UBR1: variants seen among roughly 807,000 people sequenced by gnomAD.
The protein encoded by UBR1 is E3 ubiquitin-protein ligase UBR1.
Under a neutral mutation model 242.1 loss-of-function variants are expected in UBR1, and 102 were observed. That is an observed-to-expected ratio of 0.42 (90% CI 0.36 to 0.50). UBR1 has a LOEUF of 0.50. Among genes scored for constraint, UBR1 ranks in the 20% least tolerant of loss-of-function variants. The pLI, the probability that UBR1 is intolerant of heterozygous loss-of-function variation, is 0.01. For missense variants in UBR1, 1,772 were observed against 2,101.8 expected (o/e 0.84, Z 3.07); for synonymous variants, 675 against 684.8 (o/e 0.99, Z 0.22).
rs1042695336 is a variant in UBR1 at position 42,990,057 on chromosome 15, G to T, written c.3821C>A (p.Ser1274Tyr). The stretch of plus-strand genomic sequence containing the variant: ...AGACTCAACGCCAAAACTCAGGATG[G>T]AATGGAACTCCAAAGTAGAATCTCC... The part of the protein sequence containing the change: ...GMGDSTLEFH[S>Y]ILSFGVESSI... Residue 1274 changes from serine (S) to tyrosine (Y), a missense_variant, in exon 34 of 47, where the codon TCC (serine) becomes TAC (tyrosine). This residue lies in a region of UBR1 where 965 missense variants were observed against 1,079.7 expected (regional missense o/e 0.89). Transcript: ENST00000290650. The T allele has an allele frequency of 1.2e-6, 2 of 1,609,270 alleles. No homozygotes were observed. The highest frequency in any genetic ancestry group is 1.7e-6 in the Non-Finnish European group (2 of 1,177,368).
chr15:43,005,504 T>TGGGA (rs1596096580), intron 30 of UBR1, among the ~76,000 whole-genome samples: 3 of 147,814 alleles, frequency 2.0e-5, no homozygotes, highest in East Asian at 4.2e-4. Flanking sequence ...CCGCTCCGTC[T>TGGGA]GGGAGGTGGG....
At chr15:43,001,846 T>C (rs1228718834) in intron 32 of UBR1, among the ~76,000 whole-genome samples, 1 of 152,176 alleles carries the variant, frequency 6.6e-6, no homozygotes, top group East Asian at 1.9e-4. Context: ...AGCTATAGCA[T>C]TTGGATCTTC....
intron 40 of UBR1, among the ~76,000 whole-genome samples, chr15:42,969,445 A>T (rs966204629): frequency 2.6e-5 from 4 of 151,848 alleles, no homozygotes; most frequent in Admixed American, 1.3e-4. Flanking sequence ...GATTGCAAAA[A>T]TTTTTTCCTG....
chr15:42,985,989 C>CAAAAAA (rs1230190123), intron 35 of UBR1, among the ~76,000 whole-genome samples: 13 of 46,744 alleles, frequency 2.8e-4, no homozygotes, highest in South Asian at 7.8e-4. Context: ...GACCCTGTCT[C>CAAAAAA]AAAAAAAAAA....
At position 43,002,673 on chromosome 15, in the gene UBR1, G is replaced by T; in HGVS notation, c.3541C>A (p.Gln1181Lys). The T allele has an allele frequency of 6.2e-7, 1 of 1,614,140 alleles. No homozygotes were observed. Among genetic ancestry groups the T allele is most frequent in the Non-Finnish European group, 8.5e-7 (1 of 1,180,036 alleles). ...TCAAAAAGGTCAACATGAATGCGCT[G>T]CTGAGAGCTCAGCTGTACAGCTTCA... ...YFEAVQLSSQQRIHVDLFDLE... is the reference protein window; with the variant it reads ...YFEAVQLSSQKRIHVDLFDLE... Residue 1181 changes from glutamine to lysine, a missense_variant, in exon 32 of 47, where the codon CAG becomes AAG. Gln to Lys is a moderately conservative substitution (Grantham distance 53). This residue lies in a region of UBR1 where 965 missense variants were observed against 1,079.7 expected (regional missense o/e 0.89). Coordinates refer to ENST00000290650, the MANE Select transcript of UBR1 (RefSeq NM_174916.3).
chr15:43,037,329 A>C (rs2033349928), intron 17 of UBR1, among the ~76,000 whole-genome samples: 1 of 150,708 alleles, frequency 6.6e-6, no homozygotes, highest in South Asian at 2.1e-4. Context: ...TAGCCTGGGC[A>C]GTAGAGTGAG....
intron 1 of UBR1, among the ~76,000 whole-genome samples, chr15:43,094,891 A>G (rs974520578): frequency 6.6e-6 from 1 of 152,164 alleles, no homozygotes; most frequent in African/African-American, 2.4e-5. Flanking sequence ...TCCTGTTGAG[A>G]TAACGTATAA....
chr15:43,081,829 C>T (rs1490497809), intron 3 of UBR1, among the ~76,000 whole-genome samples: 3 of 151,898 alleles, frequency 2.0e-5, no homozygotes, highest in East Asian at 3.9e-4. Context: ...GAGAACCTAT[C>T]CTAAGGAAAT....
intron 1 of UBR1, among the ~76,000 whole-genome samples, chr15:43,095,498 A>G (rs971090721): frequency 6.6e-6 from 1 of 151,862 alleles, no homozygotes; most frequent in Non-Finnish European, 1.5e-5. Context: ...TTACCACAGC[A>G]TATTTCCATA....
At chr15:42,950,435 A>T in intron 45 of UBR1, 72 bp from the exon 46 acceptor site, 5 of 1,357,378 alleles carry the variant, frequency 3.7e-6, no homozygotes, top group Non-Finnish European at 5.3e-6. Flanking sequence ...ATCAATGTTA[A>T]CCTAGAGAAA....
intron 1 of UBR1, among the ~76,000 whole-genome samples, chr15:43,097,616 A>C (rs150711472): frequency 2.6e-4 from 39 of 152,312 alleles, no homozygotes; most frequent in Admixed American, 8.5e-4. Flanking sequence ...CTTCTCCATC[A>C]ATCAGCACTT....
At chr15:42,988,443 T>C in intron 35 of UBR1, 1 of 262,116 alleles carries the variant, frequency 3.8e-6, no homozygotes, top group Non-Finnish European at 7.5e-6. Context: ...TACAGGTGCA[T>C]ACCACCACGC....
chr15:43,005,897 GTTAAGAGT>G (rs2032818909), intron 30 of UBR1, among the ~76,000 whole-genome samples: 1 of 148,056 alleles, frequency 6.8e-6, no homozygotes, highest in Admixed American at 6.8e-5. Context: ...CAGCATGCTC[GTTAAGAGT>G]CATCACCACT....
At chr15:43,012,971 T>A (rs922101336) in intron 29 of UBR1, among the ~76,000 whole-genome samples, 6 of 152,168 alleles carry the variant, frequency 3.9e-5, no homozygotes, top group African/African-American at 1.4e-4. Context: ...AGTGGCACAA[T>A]CTCTGCTCAC....
intron 3 of UBR1, among the ~76,000 whole-genome samples, chr15:43,076,187 G>A: frequency 6.9e-6 from 1 of 145,550 alleles, no homozygotes; most frequent in African/African-American, 2.5e-5. Context: ...TTGCTGTGTT[G>A]GCCGGGCCAG....
intron 29 of UBR1, among the ~76,000 whole-genome samples, chr15:43,014,276 G>A (rs1387761358): frequency 6.6e-5 from 10 of 152,226 alleles, no homozygotes; most frequent in African/African-American, 1.4e-4. Context: ...CCAAAGTGCC[G>A]AGATTGCAGC....
At chr15:43,100,611 T>C (rs1408070950) in intron 1 of UBR1, among the ~76,000 whole-genome samples, 1 of 152,058 alleles carries the variant, frequency 6.6e-6, no homozygotes, top group East Asian at 1.9e-4. Flanking sequence ...CTGAGGCAGA[T>C]GGATCATGAG....
At chr15:43,026,050 G>C (rs912806560) in intron 23 of UBR1, 1 of 161,186 alleles carries the variant, frequency 6.2e-6, no homozygotes, top group African/African-American at 2.4e-5. Flanking sequence ...TGGACAACAT[G>C]GTGAAACCCG....
chr15:43,056,418 A>G lies in UBR1; in HGVS notation c.1207T>C (p.Tyr403His). 1 of 1,611,114 alleles carries G rather than the reference A, an allele frequency of 6.2e-7. No homozygotes were observed. The highest frequency in any genetic ancestry group is 8.5e-7 in the Non-Finnish European group (1 of 1,177,392). The change falls in exon 11 of 47, where the codon TAT becomes CAT. Residue 403 changes from tyrosine (Y) to histidine (H), a missense_variant. By Grantham distance (83) the Tyr-to-His change is moderately conservative. This residue lies in a region of UBR1 where 734 missense variants were observed against 893.3 expected (regional missense o/e 0.82). Transcript: ENST00000290650. ...VKYYKQLQKE[Y>H]ISDDHDRSIS... ...CTTCTGTCATGATCATCACTGATAT[A>G]TTCTTTCTGCAGTTGTTTATAATAC... is the stretch of plus-strand genomic sequence containing the variant.
Sources: allele counts gnomAD v4.1 joint callset (sites outside exome capture counted in the v4.1 genomes callset), GRCh38; gene constraint gnomAD v4.1.1; regional missense constraint gnomAD v4.1.1; transcripts MANE v1.5; gene names NCBI Gene and HGNC (gene_info 2026-07-23, HGNC 2026-07-21).